The following LAMB4 variants were observed in gnomAD, a reference collection of about 807,000 sequenced individuals.
The protein encoded by LAMB4 is laminin subunit beta 4, also known as laminin subunit beta-4.
LAMB4 carries 196 observed loss-of-function variants against 199.2 expected under a neutral mutation model. The ratio of observed to expected loss-of-function variants is 0.98; its 90% confidence interval spans 0.88 to 1.11. The LOEUF is 1.11. Ranked by LOEUF, LAMB4 falls within the 50% of genes least tolerant of loss-of-function variation. The pLI is 0.00. For synonymous variants in LAMB4, 744 were observed against 770.6 expected, an observed-to-expected ratio of 0.97 and a Z score of 0.57; for missense variants, 2,080 against 2,171.2, an observed-to-expected ratio of 0.96 and a Z score of 0.83.
chr7:108,113,857 A>G (rs1343813760), intron 3 of LAMB4, among the ~76,000 whole-genome samples: 5 of 152,208 alleles, frequency 3.3e-5, no homozygotes. Flanking sequence ...GGAAAAAATC[A>G]TCCTCCATGC....
chr7:108,055,324 T>C (rs2035945240), intron 25 of LAMB4, among the ~76,000 whole-genome samples: 2 of 152,020 alleles, frequency 1.3e-5, no homozygotes, highest in Non-Finnish European at 2.9e-5. Flanking sequence ...GTAGTGGGGA[T>C]TACAGGTACC....
intron 11 of LAMB4, among the ~76,000 whole-genome samples, chr7:108,096,805 C>T (rs1260338622): frequency 6.7e-6 from 1 of 150,192 alleles, no homozygotes; most frequent in Non-Finnish European, 1.5e-5. Context: ...GCTGTGGTGG[C>T]ACATGCTTGT....
chr7:108,042,714 T>C (rs1732142), intron 29 of LAMB4, among the ~76,000 whole-genome samples: 33,391 of 151,974 alleles, frequency 0.22, 8,326 homozygotes, highest in African/African-American at 0.61. Context: ...TTTCTAGAAA[T>C]ATTGAGACAG....
the LAMB4 span, among the ~76,000 whole-genome samples, chr7:108,015,533 A>C: frequency 6.6e-6 from 1 of 152,182 alleles, no homozygotes; most frequent in Non-Finnish European, 1.5e-5. Context: ...TTGGGTTATG[A>C]CAAATTCCTA....
At chr7:108,042,983 G>A (rs2035476070) in intron 29 of LAMB4, among the ~76,000 whole-genome samples, 7 of 149,218 alleles carry the variant, frequency 4.7e-5, no homozygotes, top group Admixed American at 4.0e-4. Context: ...GTGTGTATGT[G>A]TACAGAGAGT....
In LAMB4 at chr7:108,125,731, A is replaced by C. The variant is rs17378813; in HGVS notation, c.-33-2534T>G. On this transcript the variant is annotated intron_variant, in intron 1 of 33. Transcript: ENST00000388781. ...TGCCGAATTCCCAGGACTCAGATTT[A>C]GAAAGACAGGAGGTGGAACTGTAAT... is the stretch of plus-strand genomic sequence containing the variant. 4.5e-3 allele frequency among the ~76,000 whole-genome samples: 685 copies of C among 152,370 alleles called. 2 individuals are homozygous for C. The highest frequency in any genetic ancestry group is 0.014 in the Middle Eastern group (4 of 294).
chr7:108,120,660 A>C (rs1266697989), intron 2 of LAMB4, among the ~76,000 whole-genome samples: 1 of 152,218 alleles, frequency 6.6e-6, no homozygotes, highest in Non-Finnish European at 1.5e-5. Flanking sequence ...ATCTAGGATA[A>C]ATAGCTATTC....
At chr7:108,092,312 T>C (rs753356152) in intron 13 of LAMB4, 25 bp downstream of exon 13, 3 of 1,563,288 alleles carry the variant, frequency 1.9e-6, no homozygotes, top group Non-Finnish European at 2.6e-6. Context: ...ATAAGGAATA[T>C]TGCTATAAAA....
chr7:108,115,905 G>A lies in LAMB4; in HGVS notation c.192+99C>T, dbSNP rs2038388123. On this transcript the variant is annotated intron_variant, in intron 3 of 33. Transcript: ENST00000388781. ...AGTGTCTCCATTGTTTAAAAAGGAA[G>A]TTGTCTCCTTTAATGTCTGAGTAGC... The A allele has an allele frequency of 4.7e-6, 6 of 1,278,162 alleles. No individual in the cohort carries two copies. The Admixed American group carries it at 1.3e-4, about 27-fold the overall frequency. The allele number at this position is 1,278,162 out of a possible 1,614,324, so 79.2% of individuals were successfully genotyped here.
chr7:108,082,800 A>T (rs2037005555), intron 14 of LAMB4, among the ~76,000 whole-genome samples: 1 of 152,208 alleles, frequency 6.6e-6, no homozygotes, highest in Non-Finnish European at 1.5e-5. Context: ...ATTGCAAATC[A>T]GGGTCATCCT....
chr7:108,118,526 A>T (rs2038488626), intron 2 of LAMB4, among the ~76,000 whole-genome samples: 1 of 152,150 alleles, frequency 6.6e-6, no homozygotes, highest in Non-Finnish European at 1.5e-5. Flanking sequence ...TCAATGGAGG[A>T]AGAACAGCCT....
At position 108,024,131 on chromosome 7, in the gene LAMB4, C is replaced by T; in HGVS notation, c.5194G>A (p.Ala1732Thr). The change falls in exon 34 of 34, where the codon GCT becomes ACT. Residue 1732 changes from alanine to threonine, a missense_variant. Coordinates refer to ENST00000388781, the MANE Select transcript of LAMB4 (RefSeq NM_007356.3). ...TCTTCCAATATTCTCAGTTGATCAG[C>T]TTTTGCTTGTCTACTTAGATTCAAA... Reference protein sequence around the residue: ...QDLNLSRQAKADQLRILEDQV... With the variant: ...QDLNLSRQAKTDQLRILEDQV... 2 of 1,596,772 alleles carry T rather than the reference C, an allele frequency of 1.3e-6. No homozygotes were observed. Among genetic ancestry groups the T allele is most frequent in the Non-Finnish European group, 1.7e-6 (2 of 1,169,774 alleles).
At chr7:108,046,545 T>C (rs1201637393) in intron 28 of LAMB4, among the ~76,000 whole-genome samples, 1 of 152,054 alleles carries the variant, frequency 6.6e-6, no homozygotes, top group South Asian at 2.1e-4. Flanking sequence ...AGCACACCAC[T>C]ATCCTGTTTT....
intron 2 of LAMB4, among the ~76,000 whole-genome samples, chr7:108,116,843 T>A (rs983682126): frequency 6.6e-6 from 1 of 152,114 alleles, no homozygotes; most frequent in East Asian, 1.9e-4. Context: ...GACCAGCTTC[T>A]TCAATATAGT....
rs1053161351 is a variant in LAMB4, at chr7:108,119,765, T to C, written c.34+3366A>G. On this transcript the variant is annotated intron_variant, in intron 2 of 33. Coordinates refer to ENST00000388781, the MANE Select transcript of LAMB4 (RefSeq NM_007356.3). ...TCAAATACACGCACACATGAGTACATGTATAACTGGTGAAATCTGAATAAG... is the reference window on the plus strand; with the variant it reads ...TCAAATACACGCACACATGAGTACACGTATAACTGGTGAAATCTGAATAAG... 5.9e-5 allele frequency among the ~76,000 whole-genome samples: 9 copies of C among 152,280 alleles called. No individual in the cohort carries two copies. The South Asian group carries it at 1.0e-3, about 18-fold the overall frequency.
downstream of LAMB4, among the ~76,000 whole-genome samples, chr7:108,020,913 G>C (rs903098988): frequency 6.6e-6 from 1 of 152,140 alleles, no homozygotes; most frequent in African/African-American, 2.4e-5. Flanking sequence ...ATTTTGGCTG[G>C]TGTAATTGAT....
chr7:108,096,226 G>A (rs1285947387), intron 11 of LAMB4, among the ~76,000 whole-genome samples: 1 of 152,208 alleles, frequency 6.6e-6, no homozygotes, highest in African/African-American at 2.4e-5. Flanking sequence ...TGACTACTCT[G>A]GGTACCTCAT....
chr7:108,121,026 T>A (rs2038580504), intron 2 of LAMB4, among the ~76,000 whole-genome samples: 1 of 152,266 alleles, frequency 6.6e-6, no homozygotes, highest in Admixed American at 6.5e-5. Context: ...GTTTCATGCC[T>A]GAACATAGAC....
chr7:108,051,985 C>T, intron 26 of LAMB4, 112 bp downstream of exon 26: 1 of 754,340 alleles, frequency 1.3e-6, no homozygotes, highest in East Asian at 2.7e-5. Flanking sequence ...TTTGCATGTT[C>T]TAAAGTGCTC....
Sources: allele counts gnomAD v4.1 joint callset (sites outside exome capture counted in the v4.1 genomes callset), GRCh38; gene constraint gnomAD v4.1.1; transcripts MANE v1.5; gene names NCBI Gene and HGNC (gene_info 2026-07-23, HGNC 2026-07-21).